Variants in DYNC1I1 observed in about 807,000 individuals in gnomAD.
The protein encoded by DYNC1I1 is dynein cytoplasmic 1 intermediate chain 1.
In DYNC1I1, 43 loss-of-function variants were observed where a neutral mutation model predicts 86.6. The observed-to-expected ratio is 0.50, with a 90% confidence interval of 0.39 to 0.64. The LOEUF (loss-of-function observed/expected upper bound fraction) is 0.64, where lower values mean the gene tolerates loss of function less well. DYNC1I1 is among the 30% of genes least tolerant of loss of function. The pLI is 0.00. For missense variants in DYNC1I1, 604 were observed against 788.8 expected (o/e 0.77, Z 2.81); for synonymous variants, 262 against 283.7 (o/e 0.92, Z 0.77).
chr7:95,774,131 G>A (rs906237632), intron 1 of DYNC1I1, among the ~76,000 whole-genome samples: 2 of 152,158 alleles, frequency 1.3e-5, no homozygotes, highest in Non-Finnish European at 2.9e-5. Context: ...ATTTGTTTAG[G>A]TCTGAGGATC....
chr7:95,840,193 T>C (rs1448553074), intron 5 of DYNC1I1, among the ~76,000 whole-genome samples: 1 of 152,166 alleles, frequency 6.6e-6, no homozygotes, highest in Non-Finnish European at 1.5e-5. Context: ...TTCTGTGAGT[T>C]TCATAATGCA....
chr7:95,936,956 T>TCTCACACACACA (rs750834189), intron 6 of DYNC1I1, among the ~76,000 whole-genome samples: 2,254 of 134,220 alleles, frequency 0.017, 36 homozygotes, highest in South Asian at 0.051. Flanking sequence ...AGAATATGTC[T>TCTCACACACACA]CACACACACA....
intron 16 of DYNC1I1, among the ~76,000 whole-genome samples, chr7:96,089,746 C>A (rs1235235752): frequency 1.3e-5 from 2 of 152,034 alleles, no homozygotes; most frequent in African/African-American, 4.8e-5. Flanking sequence ...ATAAAAATAC[C>A]TCTTTTGTGC....
intron 10 of DYNC1I1, among the ~76,000 whole-genome samples, chr7:96,015,471 C>T (rs570329446): frequency 2.0e-5 from 3 of 152,130 alleles, no homozygotes; most frequent in South Asian, 2.1e-4. Context: ...ATAGTATTTC[C>T]CTTGTGGACT....
intron 6 of DYNC1I1, among the ~76,000 whole-genome samples, chr7:95,941,470 G>A (rs1163356727): frequency 3.3e-5 from 5 of 152,102 alleles, no homozygotes; most frequent in Admixed American, 6.5e-5. Context: ...CGAGCTTCCC[G>A]GGCTGCTTTG....
At chr7:95,962,904 T>G (rs1472274793) in intron 6 of DYNC1I1, among the ~76,000 whole-genome samples, 1 of 152,164 alleles carries the variant, frequency 6.6e-6, no homozygotes, top group African/African-American at 2.4e-5. Flanking sequence ...TTGACATCAG[T>G]TGAAACACTA....
rs11978044 is a variant in DYNC1I1 at position 95,990,191 on chromosome 7, A to G, written c.843+3036A>G. Among the ~76,000 whole-genome samples, 1,130 of 152,310 alleles carry G rather than the reference A, an allele frequency of 7.4e-3. 16 individuals are homozygous for G. The highest frequency in any genetic ancestry group is 0.026 in the African/African-American group (1,072 of 41,556). Reference sequence around the variant, plus strand: ...TCTGGGAAGCTGGAGGATTATGTCAACTTTGTCACCCATTGAACATTATTT... The same window carrying G: ...TCTGGGAAGCTGGAGGATTATGTCAGCTTTGTCACCCATTGAACATTATTT... On this transcript the variant is annotated intron_variant, in intron 9 of 16. Coordinates refer to ENST00000447467, the MANE Select transcript of DYNC1I1 (RefSeq NM_001135556.2).
chr7:95,997,652 C>T (rs1012969779), intron 10 of DYNC1I1, among the ~76,000 whole-genome samples: 1 of 149,084 alleles, frequency 6.7e-6, no homozygotes, highest in African/African-American at 2.5e-5. Flanking sequence ...CTAAACATTT[C>T]TCCAACAAAC....
At chr7:95,803,273 A>G (rs1562899040) in intron 1 of DYNC1I1, among the ~76,000 whole-genome samples, 1 of 152,242 alleles carries the variant, frequency 6.6e-6, no homozygotes, top group African/African-American at 2.4e-5. Flanking sequence ...ATCTCCATCC[A>G]CACTGCATGT....
At chr7:95,992,246 T>C (rs1793749127) in intron 9 of DYNC1I1, among the ~76,000 whole-genome samples, 2 of 152,186 alleles carry the variant, frequency 1.3e-5, no homozygotes, top group Admixed American at 1.3e-4. Flanking sequence ...TACTTCTACG[T>C]GTGTCTTACC....
intron 10 of DYNC1I1, among the ~76,000 whole-genome samples, chr7:96,025,975 AC>A (rs749927301): frequency 3.3e-5 from 5 of 152,106 alleles, no homozygotes; most frequent in South Asian, 4.1e-4. Context: ...TGTCGATACC[AC>A]CTGGATAATT....
At chr7:96,109,012 G>A (rs1196234737) in intron 16 of DYNC1I1, among the ~76,000 whole-genome samples, 1 of 151,876 alleles carries the variant, frequency 6.6e-6, no homozygotes, top group African/African-American at 2.4e-5. Context: ...GCATAAATTT[G>A]TGCATAACAT....
At chr7:95,962,807 A>G (rs1464982715) in intron 6 of DYNC1I1, among the ~76,000 whole-genome samples, 1 of 152,120 alleles carries the variant, frequency 6.6e-6, no homozygotes, top group African/African-American at 2.4e-5. Flanking sequence ...ATAGGTAGAT[A>G]ATTTACCTAC....
At chr7:95,916,906 T>C (rs145821362) in intron 6 of DYNC1I1, among the ~76,000 whole-genome samples, 124 of 152,340 alleles carry the variant, frequency 8.1e-4, no homozygotes, top group African/African-American at 2.6e-3. Flanking sequence ...GTTGTTTCTT[T>C]GTGTCTTTTT....
intron 6 of DYNC1I1, among the ~76,000 whole-genome samples, 175 bp from the exon 7 acceptor site, chr7:95,977,337 A>G (rs1198831083): frequency 6.6e-6 from 1 of 152,146 alleles, no homozygotes; most frequent in Non-Finnish European, 1.5e-5. Flanking sequence ...CCTTTTGGAG[A>G]TAATTTATTC....
At chr7:95,896,189 G>A (rs1171623643) in intron 6 of DYNC1I1, among the ~76,000 whole-genome samples, 1 of 152,138 alleles carries the variant, frequency 6.6e-6, no homozygotes, top group East Asian at 1.9e-4. Flanking sequence ...GAACATCCCT[G>A]CAGCACCATC....
At chr7:95,910,041 C>T (rs1466276534) in intron 6 of DYNC1I1, among the ~76,000 whole-genome samples, 1 of 152,198 alleles carries the variant, frequency 6.6e-6, no homozygotes, top group Non-Finnish European at 1.5e-5. Context: ...CAAGAATCTC[C>T]TTGCCTCTTT....
intron 1 of DYNC1I1, among the ~76,000 whole-genome samples, chr7:95,800,095 A>T (rs972058353): frequency 1.3e-5 from 2 of 150,416 alleles, no homozygotes; most frequent in Non-Finnish European, 2.9e-5. Flanking sequence ...TGCTGAAGCC[A>T]AAGTGATCAA....
intron 5 of DYNC1I1, among the ~76,000 whole-genome samples, chr7:95,865,637 G>A (rs1584107079): frequency 6.6e-6 from 1 of 152,152 alleles, no homozygotes; most frequent in East Asian, 1.9e-4. Context: ...TGGTGGTCCT[G>A]TATGATTATA....
Sources: allele counts gnomAD v4.1 joint callset (sites outside exome capture counted in the v4.1 genomes callset), GRCh38; gene constraint gnomAD v4.1.1; transcripts MANE v1.5; gene names NCBI Gene and HGNC (gene_info 2026-07-23, HGNC 2026-07-21).